STARD13: variants seen among roughly 807,000 people sequenced by gnomAD.
STARD13 encodes the protein stAR-related lipid transfer protein 13.
STARD13 carries 62 observed loss-of-function variants against 106.4 expected under a neutral mutation model. That is an observed-to-expected ratio of 0.58 (90% CI 0.48 to 0.72). The LOEUF (loss-of-function observed/expected upper bound fraction) is 0.72, where lower values mean the gene tolerates loss of function less well. STARD13 is among the 30% of genes least tolerant of loss of function. The probability of loss-of-function intolerance (pLI) is 0.00; values close to 1 mark genes in which losing one functional copy is unlikely to be tolerated. For synonymous variants in STARD13, 565 were observed against 553.0 expected (o/e 1.02, Z -0.31); for missense variants, 1,387 against 1,424.0 (o/e 0.97, Z 0.42).
the STARD13 span, among the ~76,000 whole-genome samples, chr13:33,501,403 T>C: frequency 2.0e-5 from 3 of 152,206 alleles, no homozygotes; most frequent in Non-Finnish European, 4.4e-5. Flanking sequence ...ATCCCATTTG[T>C]CTATTTTGGC....
intron 1 of STARD13, among the ~76,000 whole-genome samples, chr13:33,324,736 A>G (rs766103250): frequency 2.2e-4 from 34 of 152,210 alleles, no homozygotes; most frequent in Non-Finnish European, 4.6e-4. Context: ...GAAGGACTAT[A>G]ATATTTAGAT....
intron 1 of STARD13, among the ~76,000 whole-genome samples, chr13:33,221,435 A>G (rs1001167960): frequency 1.3e-5 from 2 of 152,200 alleles, no homozygotes; most frequent in African/African-American, 4.8e-5. Flanking sequence ...TAACATCATC[A>G]TAAACTTTTG....
chr13:33,362,118 A>G, the STARD13 span, among the ~76,000 whole-genome samples: 1 of 152,184 alleles, frequency 6.6e-6, no homozygotes, highest in East Asian at 1.9e-4. Context: ...TTATAAAGAA[A>G]ATAGATTTAA....
At chr13:33,559,522 G>A in the STARD13 span, among the ~76,000 whole-genome samples, 1 of 151,494 alleles carries the variant, frequency 6.6e-6, no homozygotes, top group African/African-American at 2.4e-5. Flanking sequence ...AGATGAGGTT[G>A]TGAGGGTACA....
chr13:33,542,893 A>G, the STARD13 span, among the ~76,000 whole-genome samples: 1 of 152,130 alleles, frequency 6.6e-6, no homozygotes, highest in Non-Finnish European at 1.5e-5. Flanking sequence ...GGAACCTTCC[A>G]GAGAAACCGT....
chr13:33,528,249 T>C, the STARD13 span, among the ~76,000 whole-genome samples: 1 of 130,196 alleles, frequency 7.7e-6, no homozygotes, highest in African/African-American at 3.5e-5. Flanking sequence ...TATACATATA[T>C]ATATATACAT....
At chr13:33,658,914 A>G in the STARD13 span, among the ~76,000 whole-genome samples, 1 of 152,088 alleles carries the variant, frequency 6.6e-6, no homozygotes, top group African/African-American at 2.4e-5. Flanking sequence ...ATACCTACAT[A>G]ATGAAGCTGT....
At chr13:33,514,328 C>A in the STARD13 span, among the ~76,000 whole-genome samples, 1 of 152,118 alleles carries the variant, frequency 6.6e-6, no homozygotes, top group African/African-American at 2.4e-5. Context: ...GCAGGGTAGG[C>A]CCAGCAGGGT....
chr13:33,128,875 A>G, intron 5 of STARD13, 54 bp downstream of exon 5: 1 of 1,531,320 alleles, frequency 6.5e-7, no homozygotes, highest in Non-Finnish European at 8.8e-7. Flanking sequence ...AATAAACAGA[A>G]CACAATTACT....
At chr13:33,238,352 AC>A (rs1472280984) in intron 1 of STARD13, among the ~76,000 whole-genome samples, 2 of 152,198 alleles carry the variant, frequency 1.3e-5, no homozygotes, top group Non-Finnish European at 2.9e-5. Flanking sequence ...TGGACTAAGA[AC>A]GGCTGCCCAA....
the STARD13 span, among the ~76,000 whole-genome samples, chr13:33,641,021 A>C: frequency 6.6e-6 from 1 of 152,232 alleles, no homozygotes; most frequent in Non-Finnish European, 1.5e-5. Flanking sequence ...GCTTAGGTTC[A>C]ACAAAGTATG....
At chr13:33,418,305 A>T in the STARD13 span, among the ~76,000 whole-genome samples, 1 of 152,250 alleles carries the variant, frequency 6.6e-6, no homozygotes, top group Non-Finnish European at 1.5e-5. Flanking sequence ...CTGGCTTGGC[A>T]GGTCCCACGC....
At chr13:33,383,292 G>T in the STARD13 span, among the ~76,000 whole-genome samples, 7 of 152,260 alleles carry the variant, frequency 4.6e-5, no homozygotes, top group East Asian at 1.4e-3. Context: ...CAGCACTTTG[G>T]GAGTCCCAGG....
At chr13:33,400,777 A>G in the STARD13 span, among the ~76,000 whole-genome samples, 1 of 152,196 alleles carries the variant, frequency 6.6e-6, no homozygotes. Flanking sequence ...TTCAATGGCT[A>G]TTCTTGACTG....
At chr13:33,159,384 C>T (rs939956026) in intron 3 of STARD13, among the ~76,000 whole-genome samples, 25 of 152,134 alleles carry the variant, frequency 1.6e-4, no homozygotes, top group African/African-American at 5.8e-4. Flanking sequence ...AAGCCCATAA[C>T]GTAGTCAAGG....
chr13:33,139,433 T>C (rs937656137), intron 4 of STARD13, among the ~76,000 whole-genome samples: 1 of 152,240 alleles, frequency 6.6e-6, no homozygotes, highest in Non-Finnish European at 1.5e-5. Flanking sequence ...TACAAACTGC[T>C]GAGCCAGCAC....
chr13:33,112,946 A>T lies in STARD13; in HGVS notation c.2282-15T>A. 1 of 1,588,096 alleles carries T rather than the reference A, an allele frequency of 6.3e-7. No homozygotes were observed. The highest frequency in any genetic ancestry group is 8.6e-7 in the Non-Finnish European group (1 of 1,167,072). ...TTTGGAGACATCTGAGGAAAAGTGG[A>T]TGCCAGGTCATTGGAGGAGCAGACA... On this transcript the variant is annotated splice_polypyrimidine_tract_variant and intron_variant, in intron 8 of 13. Transcript: ENST00000336934.
the STARD13 span, among the ~76,000 whole-genome samples, chr13:33,470,869 T>C: frequency 6.6e-6 from 1 of 152,210 alleles, no homozygotes; most frequent in Non-Finnish European, 1.5e-5. Flanking sequence ...TCCCTTTCTG[T>C]AGGTTGCCTA....
In STARD13 at chr13:33,127,426, G is replaced by A. The variant is rs763520508; in HGVS notation, c.1869C>T (p.Arg623=). 6.2e-6 allele frequency: 10 copies of A among 1,605,524 alleles called. No individual in the cohort carries two copies. The highest frequency in any genetic ancestry group is 1.7e-5 in the Admixed American group (1 of 59,716). ...LSLLQRFSLL[R]LTAIMEKHSM... ...AGTGCTTCTCCATGATGGCCGTGAG[G>A]CGGAGCAGTGAGAAGCGCTGGAGCA... The change falls in exon 6 of 14, where the codon CGC becomes CGT. Residue 623 remains arginine, a synonymous_variant. Transcript: ENST00000336934.
Sources: allele counts gnomAD v4.1 joint callset (sites outside exome capture counted in the v4.1 genomes callset), GRCh38; gene constraint gnomAD v4.1.1; transcripts MANE v1.5; gene names NCBI Gene and HGNC (gene_info 2026-07-23, HGNC 2026-07-21).